Variants in CTNNA3 observed in about 807,000 individuals in gnomAD.
CTNNA3 encodes the protein catenin alpha-3.
In CTNNA3, 76 loss-of-function variants were observed where a neutral mutation model predicts 95.7. The observed-to-expected ratio is 0.79, with a 90% CI of 0.66 to 0.96. The LOEUF is 0.96. CTNNA3 is among the 40% of genes least tolerant of loss of function. CTNNA3 has a pLI of 0.00. For missense variants in CTNNA3, 1,191 were observed against 1,089.8 expected, an observed-to-expected ratio of 1.09 and a Z score of -1.31; for synonymous variants, 431 against 374.4, an observed-to-expected ratio of 1.15 and a Z score of -1.74.
At chr10:67,635,207 T>C (rs551064779) in intron 2 of CTNNA3, among the ~76,000 whole-genome samples, 1 of 152,136 alleles carries the variant, frequency 6.6e-6, no homozygotes, top group East Asian at 1.9e-4. Context: ...AAAAGGCCCA[T>C]GACCAGAAGG....
intron 7 of CTNNA3, among the ~76,000 whole-genome samples, chr10:67,002,709 T>C (rs2132993247): frequency 6.6e-6 from 1 of 152,128 alleles, no homozygotes; most frequent in Admixed American, 6.6e-5. Context: ...CAGGCTAATA[T>C]AGTACTAAGT....
chr10:67,004,554 T>A (rs1228682954), intron 7 of CTNNA3, among the ~76,000 whole-genome samples: 1 of 152,316 alleles, frequency 6.6e-6, no homozygotes, highest in South Asian at 2.1e-4. Flanking sequence ...TGGCTTTTTT[T>A]TTCAGTGGAA....
At chr10:66,385,899 T>C (rs905658915) in intron 11 of CTNNA3, among the ~76,000 whole-genome samples, 9 of 152,220 alleles carry the variant, frequency 5.9e-5, no homozygotes, top group Non-Finnish European at 1.3e-4. Flanking sequence ...CAGTGCTTCA[T>C]GCTAAAAACT....
intron 7 of CTNNA3, among the ~76,000 whole-genome samples, chr10:66,827,225 G>C (rs1391295276): frequency 6.6e-6 from 1 of 152,028 alleles, no homozygotes; most frequent in Non-Finnish European, 1.5e-5. Context: ...GTGTTCTTTT[G>C]CAATTTTTAC....
chr10:66,337,103 T>G (rs1261178892), intron 12 of CTNNA3, among the ~76,000 whole-genome samples: 3 of 152,140 alleles, frequency 2.0e-5, no homozygotes, highest in Non-Finnish European at 4.4e-5. Flanking sequence ...CATATATTTA[T>G]TTTTCATAAA....
intron 15 of CTNNA3, among the ~76,000 whole-genome samples, chr10:66,045,561 T>G (rs1295074631): frequency 6.6e-6 from 1 of 152,184 alleles, no homozygotes; most frequent in Non-Finnish European, 1.5e-5. Context: ...AAACTTCTTT[T>G]TAATAATAGA....
intron 11 of CTNNA3, among the ~76,000 whole-genome samples, chr10:66,446,338 T>A (rs2093421164): frequency 6.6e-6 from 1 of 151,896 alleles, no homozygotes; most frequent in African/African-American, 2.4e-5. Flanking sequence ...GCCAGCATCA[T>A]CCTGATACCA....
chr10:67,700,696 G>A (rs1841030630), upstream of CTNNA3, among the ~76,000 whole-genome samples: 1 of 152,098 alleles, frequency 6.6e-6, no homozygotes, highest in Non-Finnish European at 1.5e-5. Context: ...CAGAAAAACT[G>A]GAAACTCTAA....
At chr10:66,317,791 G>A (rs1213957478) in intron 12 of CTNNA3, among the ~76,000 whole-genome samples, 1 of 151,932 alleles carries the variant, frequency 6.6e-6, no homozygotes, top group East Asian at 1.9e-4. Context: ...TTATTTCTAT[G>A]GTGTTTTGTA....
chr10:67,166,700 A>C (rs1334930470), intron 7 of CTNNA3, among the ~76,000 whole-genome samples: 1 of 152,216 alleles, frequency 6.6e-6, no homozygotes. Context: ...TTGTTAGGGT[A>C]ATTCAGATCC....
chr10:67,015,290 C>T (rs1057227787), intron 7 of CTNNA3: 5 of 152,002 alleles, frequency 3.3e-5, no homozygotes, highest in African/African-American at 1.2e-4. Flanking sequence ...TGATGCTAAC[C>T]ATCTTAAATC....
intron 7 of CTNNA3, among the ~76,000 whole-genome samples, chr10:66,979,391 T>C (rs1850282390): frequency 6.6e-6 from 1 of 152,176 alleles, no homozygotes; most frequent in African/African-American, 2.4e-5. Flanking sequence ...AACACACCTA[T>C]GGAAGTTTTC....
intron 5 of CTNNA3, among the ~76,000 whole-genome samples, chr10:67,355,838 C>G (rs1398564099): frequency 6.6e-6 from 1 of 151,914 alleles, no homozygotes; most frequent in South Asian, 2.1e-4. Context: ...TGTATTAGGT[C>G]AGTAGTACAT....
intron 1 of CTNNA3, among the ~76,000 whole-genome samples, chr10:67,746,945 G>A (rs531355059): frequency 3.3e-5 from 5 of 152,328 alleles, no homozygotes; most frequent in African/African-American, 9.6e-5. Flanking sequence ...CCCTGCTGGT[G>A]CTGGGGAAAC....
At chr10:67,136,621 A>C (rs1042191606) in intron 7 of CTNNA3, among the ~76,000 whole-genome samples, 1 of 152,156 alleles carries the variant, frequency 6.6e-6, no homozygotes, top group Non-Finnish European at 1.5e-5. Flanking sequence ...GCTTCTGGCC[A>C]TATTTTCAAC....
At chr10:67,328,331 C>A (rs1333923698) in intron 5 of CTNNA3, among the ~76,000 whole-genome samples, 1 of 152,116 alleles carries the variant, frequency 6.6e-6, no homozygotes, top group African/African-American at 2.4e-5. Flanking sequence ...CAGGTGTAGC[C>A]AGGCTGGGGC....
intron 5 of CTNNA3, among the ~76,000 whole-genome samples, chr10:67,388,797 AT>A (rs1036298260): frequency 3.7e-4 from 57 of 152,152 alleles, no homozygotes; most frequent in African/African-American, 1.0e-3. Context: ...AGAATTTCAT[AT>A]CCAGCCAAAC....
intron 7 of CTNNA3, among the ~76,000 whole-genome samples, chr10:66,972,358 G>A (rs1849767993): frequency 6.6e-6 from 1 of 152,076 alleles, no homozygotes; most frequent in South Asian, 2.1e-4. Context: ...TGAGGTCTAT[G>A]TTGCCCAGGC....
chr10:67,712,847 G>C (rs1330397455), intron 1 of CTNNA3, among the ~76,000 whole-genome samples: 2 of 152,016 alleles, frequency 1.3e-5, no homozygotes, highest in African/African-American at 2.4e-5. Context: ...AAAAACCTAG[G>C]CAATACCATT....
Sources: allele counts gnomAD v4.1 joint callset (sites outside exome capture counted in the v4.1 genomes callset), GRCh38; gene constraint gnomAD v4.1.1; transcripts MANE v1.5; gene names NCBI Gene and HGNC (gene_info 2026-07-23, HGNC 2026-07-21).